Variants in GRM7 observed in about 807,000 individuals in gnomAD.
GRM7 encodes metabotropic glutamate receptor 7.
In GRM7, 35 loss-of-function variants were observed where a neutral mutation model predicts 84.5. The ratio of observed to expected loss-of-function variants is 0.41; its 90% CI spans 0.32 to 0.55. GRM7 has a LOEUF of 0.55. Among genes scored for constraint, GRM7 ranks in the 20% least tolerant of loss-of-function variants. The probability of loss-of-function intolerance (pLI) is 0.19; values close to 1 mark genes in which losing one functional copy is unlikely to be tolerated. For synonymous variants in GRM7, 487 were observed against 455.1 expected (o/e 1.07, Z -0.89); for missense variants, 1,003 against 1,194.6 (o/e 0.84, Z 2.36).
At chr3:7,556,919 C>A (rs987314951) in intron 7 of GRM7, among the ~76,000 whole-genome samples, 37 of 152,154 alleles carry the variant, frequency 2.4e-4, no homozygotes, top group African/African-American at 8.4e-4. Context: ...TGGTAAACCT[C>A]TGGAGAATGC....
chr3:7,653,180 C>CTTT (rs1218949173), intron 8 of GRM7, among the ~76,000 whole-genome samples: 6,030 of 87,844 alleles, frequency 0.069, 455 homozygotes, highest in African/African-American at 0.18. Context: ...ATACTATATC[C>CTTT]TTTTTTTTTT....
At chr3:7,288,639 C>A (rs1412149844) in intron 2 of GRM7, among the ~76,000 whole-genome samples, 1 of 152,000 alleles carries the variant, frequency 6.6e-6, no homozygotes, top group African/African-American at 2.4e-5. Flanking sequence ...GCTTTGGAAC[C>A]AATAAAAGCA....
At chr3:7,259,825 T>G (rs1698343244) in intron 2 of GRM7, among the ~76,000 whole-genome samples, 1 of 152,166 alleles carries the variant, frequency 6.6e-6, no homozygotes, top group South Asian at 2.1e-4. Context: ...GATTTCTGGA[T>G]TGAATAGCAG....
intron 4 of GRM7, among the ~76,000 whole-genome samples, chr3:7,311,648 C>T (rs1293490906): frequency 1.3e-5 from 2 of 149,490 alleles, no homozygotes; most frequent in African/African-American, 5.0e-5. Flanking sequence ...AGCTGGAATG[C>T]AGTGGCGCAG....
chr3:7,249,308 C>T (rs1293504885), intron 2 of GRM7, among the ~76,000 whole-genome samples: 1 of 152,110 alleles, frequency 6.6e-6, no homozygotes, highest in Non-Finnish European at 1.5e-5. Context: ...AGAGTATATA[C>T]GTAAATGCTA....
intron 8 of GRM7, among the ~76,000 whole-genome samples, chr3:7,588,585 T>G (rs987646177): frequency 6.6e-6 from 1 of 152,138 alleles, no homozygotes; most frequent in Non-Finnish European, 1.5e-5. Flanking sequence ...ATGATGGTGT[T>G]GGGGAAGATA....
intron 8 of GRM7, among the ~76,000 whole-genome samples, chr3:7,658,527 A>G (rs759966796): frequency 3.3e-5 from 5 of 152,196 alleles, no homozygotes; most frequent in Non-Finnish European, 7.3e-5. Context: ...TCCCAGGAGC[A>G]AGCATGTACA....
intron 1 of GRM7, among the ~76,000 whole-genome samples, chr3:6,916,545 G>A (rs1338005342): frequency 6.6e-6 from 1 of 152,120 alleles, no homozygotes; most frequent in Non-Finnish European, 1.5e-5. Context: ...CAATCAAGGT[G>A]CCAGCAGATT....
chr3:7,672,512 T>C (rs1247203083), intron 8 of GRM7, among the ~76,000 whole-genome samples: 1 of 152,230 alleles, frequency 6.6e-6, no homozygotes, highest in East Asian at 1.9e-4. Context: ...CCTTTTTGTC[T>C]TAATTCTCAA....
intron 1 of GRM7, among the ~76,000 whole-genome samples, chr3:6,943,311 T>C (rs989122925): frequency 6.6e-6 from 1 of 151,876 alleles, no homozygotes; most frequent in African/African-American, 2.4e-5. Context: ...TTCTTCTATG[T>C]TTTGATTTAG....
At chr3:7,722,298 A>T (rs907617230) in intron 9 of GRM7, among the ~76,000 whole-genome samples, 7 of 152,208 alleles carry the variant, frequency 4.6e-5, no homozygotes, top group African/African-American at 1.7e-4. Context: ...TTCGTTAAAT[A>T]CAGTAACTCC....
chr3:7,310,378 AT>A (rs1169270755), intron 4 of GRM7, among the ~76,000 whole-genome samples: 1 of 152,166 alleles, frequency 6.6e-6, no homozygotes, highest in African/African-American at 2.4e-5. Context: ...AATAATAGTA[AT>A]TTTTACTTAT....
intron 1 of GRM7, among the ~76,000 whole-genome samples, chr3:6,888,996 G>T (rs1469992632): frequency 6.6e-6 from 1 of 152,076 alleles, no homozygotes; most frequent in Non-Finnish European, 1.5e-5. Flanking sequence ...TGAAGCAATT[G>T]TGAATGGGAG....
At chr3:7,562,109 G>A (rs1412123210) in intron 7 of GRM7, among the ~76,000 whole-genome samples, 2 of 152,032 alleles carry the variant, frequency 1.3e-5, no homozygotes, top group Non-Finnish European at 1.5e-5. Flanking sequence ...TGAATACAAC[G>A]CTTTTGATTT....
intron 2 of GRM7, among the ~76,000 whole-genome samples, chr3:7,157,591 TAA>T (rs1694494403): frequency 6.6e-6 from 1 of 152,148 alleles, no homozygotes; most frequent in Admixed American, 6.6e-5. Flanking sequence ...ACTAGCTTTC[TAA>T]AAAGATACAA....
intron 8 of GRM7, among the ~76,000 whole-genome samples, chr3:7,653,619 T>G (rs1223941058): frequency 6.6e-6 from 1 of 152,190 alleles, no homozygotes; most frequent in African/African-American, 2.4e-5. Flanking sequence ...TTAGTCTCAT[T>G]AAACCAAGGG....
intron 1 of GRM7, among the ~76,000 whole-genome samples, chr3:7,053,465 C>T (rs941737118): frequency 6.6e-6 from 1 of 151,652 alleles, no homozygotes; most frequent in African/African-American, 2.4e-5. Flanking sequence ...TCATTACTAG[C>T]TTAATGTTCT....
intron 1 of GRM7, among the ~76,000 whole-genome samples, chr3:6,972,474 C>T (rs1693797740): frequency 6.6e-6 from 1 of 152,186 alleles, no homozygotes; most frequent in African/African-American, 2.4e-5. Context: ...TGAGGTTCCT[C>T]GCTTTTACTT....
chr3:7,458,180 C>A (rs1409458710), intron 6 of GRM7, among the ~76,000 whole-genome samples: 1 of 152,194 alleles, frequency 6.6e-6, no homozygotes, highest in Non-Finnish European at 1.5e-5. Flanking sequence ...CAGATACTCT[C>A]ATCCAGTAGG....
Sources: allele counts gnomAD v4.1 joint callset (sites outside exome capture counted in the v4.1 genomes callset), GRCh38; gene constraint gnomAD v4.1.1; transcripts MANE v1.5; gene names NCBI Gene and HGNC (gene_info 2026-07-23, HGNC 2026-07-21).